The following MTREX variants were observed in gnomAD, a reference collection of about 807,000 sequenced individuals.
MTREX encodes the protein exosome RNA helicase MTR4.
Under a neutral mutation model 135.4 loss-of-function variants are expected in MTREX, and 76 were observed. That is an observed-to-expected ratio of 0.56 (90% CI 0.47 to 0.68). The LOEUF is 0.68. MTREX is among the 30% of genes least tolerant of loss of function. The pLI, the probability that MTREX is intolerant of heterozygous loss-of-function variation, is 0.00. For synonymous variants in MTREX, 404 were observed against 401.6 expected (o/e 1.01, Z -0.07); for missense variants, 920 against 1,262.1 (o/e 0.73, Z 4.11).
At chr5:55,374,887 T>C (rs1423531826) in intron 16 of MTREX, among the ~76,000 whole-genome samples, 8 of 152,190 alleles carry the variant, frequency 5.3e-5, no homozygotes, top group Admixed American at 5.2e-4. Context: ...TCTATTTTCC[T>C]TAAGCGTTGG....
In MTREX at chr5:55,308,001, A is replaced by T. The variant is rs371908465; in HGVS notation, c.-13A>T. 7.4e-6 allele frequency: 12 copies of T among 1,613,990 alleles called. No homozygotes were observed. Among genetic ancestry groups the T allele is most frequent in the Non-Finnish European group, 1.0e-5 (12 of 1,180,012 alleles). ...GTGGGTAGGAGGGAGATTTGCTCTC[A>T]CTGCTCCCAAAAATGGCGGACGCAT... On this transcript the variant is annotated 5_prime_UTR_variant, in exon 1 of 27. Transcript: ENST00000230640.
At chr5:55,349,233 C>T (rs1295375492) in intron 11 of MTREX, among the ~76,000 whole-genome samples, 2 of 145,324 alleles carry the variant, frequency 1.4e-5, no homozygotes, top group African/African-American at 5.2e-5. Flanking sequence ...GTTGCCAGGA[C>T]TGGAGTGTAG....
intron 5 of MTREX, among the ~76,000 whole-genome samples, chr5:55,337,850 T>C (rs915869997): frequency 3.3e-5 from 5 of 152,090 alleles, no homozygotes; most frequent in African/African-American, 1.2e-4. Context: ...CAAATATCTT[T>C]TAGTGTACCA....
chr5:55,319,847 A>G (rs1379199488), intron 1 of MTREX, among the ~76,000 whole-genome samples: 1 of 152,192 alleles, frequency 6.6e-6, no homozygotes, highest in African/African-American at 2.4e-5. Flanking sequence ...CAGTTTCTCA[A>G]AGGTTTGGGA....
intron 22 of MTREX, among the ~76,000 whole-genome samples, chr5:55,408,592 AAAG>A (rs1434632823): frequency 6.6e-6 from 1 of 152,230 alleles, no homozygotes; most frequent in African/African-American, 2.4e-5. Flanking sequence ...TGCAAAAAAT[AAAG>A]GCAAAGTTTA....
At chr5:55,388,387 A>G (rs1750512458) in intron 19 of MTREX, among the ~76,000 whole-genome samples, 1 of 152,136 alleles carries the variant, frequency 6.6e-6, no homozygotes, top group Non-Finnish European at 1.5e-5. Context: ...GGATTTTGCC[A>G]GGGCCATAAA....
At chr5:55,328,111 G>A (rs1017982164) in intron 4 of MTREX, among the ~76,000 whole-genome samples, 4 of 152,182 alleles carry the variant, frequency 2.6e-5, no homozygotes, top group Non-Finnish European at 4.4e-5. Flanking sequence ...TAATGAAACC[G>A]GAACTCTGTG....
At chr5:55,409,348 C>T (rs1350031074) in intron 22 of MTREX, among the ~76,000 whole-genome samples, 1 of 152,148 alleles carries the variant, frequency 6.6e-6, no homozygotes, top group Admixed American at 6.6e-5. Flanking sequence ...CCTGGACCAT[C>T]TCATTTTGCT....
chr5:55,308,391 T>C (rs553621311), intron 1 of MTREX, among the ~76,000 whole-genome samples: 9 of 152,208 alleles, frequency 5.9e-5, no homozygotes, highest in African/African-American at 2.2e-4. Context: ...TCGATGTTAC[T>C]GATTCTGTCC....
chr5:55,415,432 A>G (rs1750952222), intron 24 of MTREX, among the ~76,000 whole-genome samples: 1 of 152,326 alleles, frequency 6.6e-6, no homozygotes, highest in South Asian at 2.1e-4. Flanking sequence ...AACATGTAAC[A>G]TGCCTTAAAA....
Position 55,425,259 on chromosome 5 carries a change from G to C in MTREX, c.*487G>C, listed in dbSNP as rs1203073572. The C allele has an allele frequency of 6.2e-7, 1 of 1,613,292 alleles. No homozygotes were observed. Among genetic ancestry groups the C allele is most frequent in the East Asian group, 2.2e-5 (1 of 44,872 alleles). On this transcript the variant is annotated 3_prime_UTR_variant, in exon 27 of 27. Coordinates refer to ENST00000230640, the MANE Select transcript of MTREX (RefSeq NM_015360.5). The stretch of plus-strand genomic sequence containing the variant: ...TTCCCAGTTGTTGGTGTTTCATGCA[G>C]AGTTGTATGAGAGTCCTCCTCTTTT...
At chr5:55,411,797 T>C (rs960865029) in intron 23 of MTREX, among the ~76,000 whole-genome samples, 6 of 152,202 alleles carry the variant, frequency 3.9e-5, no homozygotes, top group African/African-American at 1.4e-4. Flanking sequence ...AATTTTATTA[T>C]ATCAATTTCC....
At chr5:55,341,444 T>C (rs1490977781) in intron 6 of MTREX, among the ~76,000 whole-genome samples, 2 of 152,186 alleles carry the variant, frequency 1.3e-5, no homozygotes, top group Non-Finnish European at 2.9e-5. Flanking sequence ...TTAGAAGCCA[T>C]TTACTTTGCT....
chr5:55,309,904 A>AC (rs2112013850), intron 1 of MTREX, among the ~76,000 whole-genome samples: 1 of 152,312 alleles, frequency 6.6e-6, no homozygotes, highest in South Asian at 2.1e-4. Flanking sequence ...AAGTGGAAAA[A>AC]TAGTCTACTC....
chr5:55,345,691 G>A (rs1182044992), intron 10 of MTREX, among the ~76,000 whole-genome samples: 3 of 141,376 alleles, frequency 2.1e-5, no homozygotes, highest in Non-Finnish European at 4.5e-5. Flanking sequence ...TTTTGAGACA[G>A]TGTCTCGCTC....
chr5:55,400,645 C>T (rs1333499591), intron 21 of MTREX, among the ~76,000 whole-genome samples: 1 of 152,060 alleles, frequency 6.6e-6, no homozygotes, highest in African/African-American at 2.4e-5. Context: ...TCTGTTTTTT[C>T]TTCTTTTTTA....
intron 13 of MTREX, among the ~76,000 whole-genome samples, chr5:55,352,026 G>GT (rs536266778): frequency 4.0e-4 from 60 of 148,346 alleles, no homozygotes; most frequent in African/African-American, 1.4e-3. Context: ...TTTTGTTTTT[G>GT]TTTTGTTTTG....
At chr5:55,351,083 T>G in intron 13 of MTREX, 54 bp downstream of exon 13, 1 of 1,496,926 alleles carries the variant, frequency 6.7e-7, no homozygotes, top group Non-Finnish European at 8.8e-7. Context: ...ATGAAGAGTT[T>G]GAAAATGAGA....
chr5:55,369,530 G>C (rs544206336), intron 16 of MTREX, among the ~76,000 whole-genome samples: 50 of 152,184 alleles, frequency 3.3e-4, no homozygotes, highest in African/African-American at 1.2e-3. Context: ...GAGGATAGAG[G>C]GAAAACTCCC....
Sources: allele counts gnomAD v4.1 joint callset (sites outside exome capture counted in the v4.1 genomes callset), GRCh38; gene constraint gnomAD v4.1.1; transcripts MANE v1.5; gene names NCBI Gene and HGNC (gene_info 2026-07-23, HGNC 2026-07-21).